PHF24: variants seen among roughly 807,000 people sequenced by gnomAD.
The protein encoded by PHF24 is PHD finger protein 24.
PHF24 carries 25 observed loss-of-function variants against 42.6 expected under a neutral mutation model. The ratio of observed to expected loss-of-function variants is 0.59; its 90% CI spans 0.43 to 0.82. The LOEUF is 0.82. PHF24 is among the 40% of genes least tolerant of loss of function. The pLI is 0.00. For missense variants in PHF24, 470 were observed against 538.1 expected (o/e 0.87, Z 1.25); for synonymous variants, 185 against 204.8 (o/e 0.90, Z 0.83).
the PHF24 span, among the ~76,000 whole-genome samples, chr9:34,668,624 C>A: frequency 6.6e-6 from 1 of 152,168 alleles, no homozygotes; most frequent in Admixed American, 6.5e-5. Context: ...GAAAGTCAAG[C>A]TGGGAATTGT....
rs2132842309 is a variant in PHF24, at chr9:34,958,334, G to A, written c.-72G>A. On this transcript the variant is annotated 5_prime_UTR_variant, in exon 1 of 8. Transcript: ENST00000242315. The surrounding 1 kb of genome is among the most constrained non-coding windows in gnomAD (Gnocchi z 4.5). ...CACGCCGGCTCTCGGGCTGCCGTGG[G>A]CTGCGCGGGGCCCGCGGTGTGTAGA... is the stretch of plus-strand genomic sequence containing the variant. The A allele has an allele frequency of 6.6e-6, 1 of 151,678 alleles. No homozygotes were observed. The highest frequency in any genetic ancestry group is 2.4e-5 in the African/African-American group (1 of 41,366). 9.4% of individuals were successfully genotyped at this position (151,678 alleles called of 1,614,324 possible).
the PHF24 span, among the ~76,000 whole-genome samples, chr9:34,800,427 G>C: frequency 6.6e-6 from 1 of 152,082 alleles, no homozygotes; most frequent in African/African-American, 2.4e-5. Flanking sequence ...ATACCATAAG[G>C]CTACAGTAAC....
chr9:34,731,185 G>T, the PHF24 span, among the ~76,000 whole-genome samples: 31 of 152,086 alleles, frequency 2.0e-4, no homozygotes, highest in Non-Finnish European at 4.0e-4. Flanking sequence ...TGGGGTATGT[G>T]AGATATTTTG....
the PHF24 span, among the ~76,000 whole-genome samples, chr9:34,743,134 A>G: frequency 6.6e-6 from 1 of 152,232 alleles, no homozygotes; most frequent in African/African-American, 2.4e-5. Flanking sequence ...CCCTAGTACA[A>G]GCATGTCCTA....
At chr9:34,747,106 A>G in the PHF24 span, among the ~76,000 whole-genome samples, 1 of 152,222 alleles carries the variant, frequency 6.6e-6, no homozygotes, top group African/African-American at 2.4e-5. Flanking sequence ...AGGCGGTTGT[A>G]TTCAGAATAT....
At chr9:34,697,967 A>AT in the PHF24 span, among the ~76,000 whole-genome samples, 1 of 152,290 alleles carries the variant, frequency 6.6e-6, no homozygotes, top group African/African-American at 2.4e-5. Context: ...GGTGAGTGAA[A>AT]TTACTATGAA....
intron 1 of PHF24, among the ~76,000 whole-genome samples, chr9:34,963,260 T>G (rs1206453603): frequency 2.9e-5 from 2 of 69,952 alleles, no homozygotes; most frequent in Admixed American, 1.2e-4. Flanking sequence ...TTTTGATGGT[T>G]TTTTTTTTTT....
At chr9:34,811,622 C>G in the PHF24 span, among the ~76,000 whole-genome samples, 1 of 152,112 alleles carries the variant, frequency 6.6e-6, no homozygotes, top group Non-Finnish European at 1.5e-5. Flanking sequence ...ACAAAATAGA[C>G]TAAGACAAGG....
chr9:34,874,355 C>G, the PHF24 span, among the ~76,000 whole-genome samples: 1 of 152,110 alleles, frequency 6.6e-6, no homozygotes, highest in Admixed American at 6.5e-5. Flanking sequence ...ACCTTTCATG[C>G]TAAAAACTCT....
the PHF24 span, among the ~76,000 whole-genome samples, chr9:34,864,185 T>C: frequency 6.6e-6 from 1 of 152,196 alleles, no homozygotes; most frequent in Non-Finnish European, 1.5e-5. Context: ...ATCTGAGTTA[T>C]TAGCCTTAAA....
chr9:34,832,436 C>G, the PHF24 span: 7 of 1,422,624 alleles, frequency 4.9e-6, no homozygotes, highest in Non-Finnish European at 6.7e-6. Flanking sequence ...GGGGACCATC[C>G]AAGAAAGCTG....
intron 1 of PHF24, among the ~76,000 whole-genome samples, chr9:34,970,179 A>G (rs1826924323): frequency 6.6e-6 from 1 of 152,200 alleles, no homozygotes; most frequent in Non-Finnish European, 1.5e-5. Context: ...GACTTCCACT[A>G]AGTCTCCTCA....
chr9:34,954,157 A>C (rs1041916913), upstream of PHF24, among the ~76,000 whole-genome samples: 23 of 151,582 alleles, frequency 1.5e-4, no homozygotes, highest in East Asian at 7.7e-4. Flanking sequence ...AAAACAAACA[A>C]ACACACACAC....
the PHF24 span, among the ~76,000 whole-genome samples, chr9:34,741,346 C>CT: frequency 6.6e-6 from 1 of 151,870 alleles, no homozygotes; most frequent in African/African-American, 2.4e-5. Flanking sequence ...TATTTCTTTT[C>CT]TTTTCTTTTT....
intron 1 of PHF24, among the ~76,000 whole-genome samples, chr9:34,961,031 T>G (rs571156583): frequency 2.0e-5 from 3 of 152,334 alleles, no homozygotes; most frequent in African/African-American, 7.2e-5. Flanking sequence ...TAACATTGTC[T>G]TCTTCTAACA....
chr9:34,881,095 G>C, the PHF24 span, among the ~76,000 whole-genome samples: 1 of 152,270 alleles, frequency 6.6e-6, no homozygotes, highest in Admixed American at 6.5e-5. Context: ...TGAACAACCT[G>C]CTCCTGAATG....
chr9:34,789,784 G>A, the PHF24 span, among the ~76,000 whole-genome samples: 2 of 152,220 alleles, frequency 1.3e-5, no homozygotes, highest in Admixed American at 6.5e-5. Context: ...AGGCATATGC[G>A]TGCCATAGTC....
the PHF24 span, among the ~76,000 whole-genome samples, chr9:34,781,978 GA>G: frequency 1.3e-5 from 2 of 152,216 alleles, no homozygotes; most frequent in Non-Finnish European, 1.5e-5. Flanking sequence ...AGAACCTCCT[GA>G]AATCATGGGT....
At chr9:34,971,672 A>G in exon 2 of PHF24, 1 of 1,607,010 alleles carries the variant, frequency 6.2e-7, no homozygotes, top group Non-Finnish European at 8.5e-7. Flanking sequence ...GAGCCCAGAG[A>G]GCCTGTGAGT....
Sources: allele counts gnomAD v4.1 joint callset (sites outside exome capture counted in the v4.1 genomes callset), GRCh38; gene constraint gnomAD v4.1.1; non-coding constraint Gnocchi (gnomAD v3.1); transcripts MANE v1.5; gene names NCBI Gene and HGNC (gene_info 2026-07-23, HGNC 2026-07-21).